Variants in SLC24A2 observed in about 807,000 individuals in gnomAD.
SLC24A2 encodes the protein sodium/potassium/calcium exchanger 2.
Under a neutral mutation model 62.0 loss-of-function variants are expected in SLC24A2, and 36 were observed. That is an observed-to-expected ratio of 0.58 (90% confidence interval 0.44 to 0.77). The LOEUF is 0.77. Ranked by LOEUF, SLC24A2 falls within the 30% of genes least tolerant of loss-of-function variation. SLC24A2 has a pLI of 0.00. For synonymous variants in SLC24A2, 358 were observed against 294.0 expected (o/e 1.22, Z -2.23); for missense variants, 846 against 817.9 (o/e 1.03, Z -0.42).
chr9:20,019,155 A>AAGAAAGAAAGAAAGAGAG, the SLC24A2 span, among the ~76,000 whole-genome samples: 55 of 117,174 alleles, frequency 4.7e-4, 3 homozygotes, highest in African/African-American at 1.0e-3. Context: ...GAAAGAAAGA[A>AAGAAAGAAAGAAAGAGAG]AGAGAGAGAG....
At chr9:20,032,027 G>A in the SLC24A2 span, among the ~76,000 whole-genome samples, 34 of 152,148 alleles carry the variant, frequency 2.2e-4, no homozygotes, top group Non-Finnish European at 4.0e-4. Flanking sequence ...TTTCAAGCTC[G>A]TGACTGCCCC....
chr9:19,553,055 A>G (rs568657296), intron 7 of SLC24A2, among the ~76,000 whole-genome samples: 8 of 152,294 alleles, frequency 5.3e-5, no homozygotes, highest in Admixed American at 2.0e-4. Context: ...GTCCTGCTAC[A>G]GGGAAGTACA....
the SLC24A2 span, among the ~76,000 whole-genome samples, chr9:20,155,847 A>C: frequency 6.6e-6 from 1 of 151,810 alleles, no homozygotes; most frequent in Non-Finnish European, 1.5e-5. Context: ...ATCCTGAATG[A>C]CTTCAAAGTA....
intron 2 of SLC24A2, among the ~76,000 whole-genome samples, chr9:19,735,129 T>A (rs993225801): frequency 6.6e-6 from 1 of 151,638 alleles, no homozygotes; most frequent in African/African-American, 2.4e-5. Context: ...TGGGCTGATA[T>A]CCAGAATCTA....
At chr9:20,057,896 A>T in the SLC24A2 span, among the ~76,000 whole-genome samples, 1 of 152,182 alleles carries the variant, frequency 6.6e-6, no homozygotes, top group Non-Finnish European at 1.5e-5. Flanking sequence ...ATGATATGAA[A>T]CTACATCATC....
chr9:19,582,854 A>G (rs900060398), intron 5 of SLC24A2, among the ~76,000 whole-genome samples: 1 of 152,014 alleles, frequency 6.6e-6, no homozygotes, highest in African/African-American at 2.4e-5. Context: ...TGGTGTCTCT[A>G]TTTTTAAAAT....
intron 2 of SLC24A2, among the ~76,000 whole-genome samples, chr9:19,719,253 G>C (rs1820953490): frequency 6.6e-6 from 1 of 152,018 alleles, no homozygotes; most frequent in Non-Finnish European, 1.5e-5. Context: ...ATTCCTCTGG[G>C]GACTTATTAC....
At chr9:19,574,352 G>A (rs1436687731) in intron 6 of SLC24A2, among the ~76,000 whole-genome samples, 1 of 152,180 alleles carries the variant, frequency 6.6e-6, no homozygotes, top group Non-Finnish European at 1.5e-5. Context: ...TGACACTTGA[G>A]AAGTGACTCT....
At chr9:20,220,866 G>A in the SLC24A2 span, among the ~76,000 whole-genome samples, 1 of 152,066 alleles carries the variant, frequency 6.6e-6, no homozygotes, top group Non-Finnish European at 1.5e-5. Context: ...CAAGTCTAAA[G>A]AACTTTCACC....
chr9:20,145,597 ATGTATG>A, the SLC24A2 span, among the ~76,000 whole-genome samples: 8 of 148,212 alleles, frequency 5.4e-5, no homozygotes, highest in East Asian at 2.1e-4. Context: ...ATTCCATCAC[ATGTATG>A]TGTGTGTGTG....
chr9:19,720,837 ATGTGTGTGTGTGTGTGTGTGTGTG>A (rs10692458), intron 2 of SLC24A2, among the ~76,000 whole-genome samples: 8 of 140,408 alleles, frequency 5.7e-5, no homozygotes, highest in Non-Finnish European at 1.1e-4. Context: ...ATGTGGAATG[ATGTGTGTGTGTGTGTGTGTGTGTG>A]TGTGTGTGTG....
At chr9:20,105,516 A>C in the SLC24A2 span, among the ~76,000 whole-genome samples, 6 of 151,992 alleles carry the variant, frequency 3.9e-5, no homozygotes, top group Non-Finnish European at 7.4e-5. Flanking sequence ...CCACAGTGCA[A>C]TCAAACTAGA....
the SLC24A2 span, among the ~76,000 whole-genome samples, chr9:20,195,707 C>A: frequency 6.6e-6 from 1 of 152,212 alleles, no homozygotes; most frequent in South Asian, 2.1e-4. Context: ...TCCTGATGAA[C>A]TGCTCCCTCA....
At chr9:19,611,683 A>C (rs1037650389) in intron 4 of SLC24A2, among the ~76,000 whole-genome samples, 56 of 152,172 alleles carry the variant, frequency 3.7e-4, no homozygotes, top group African/African-American at 1.3e-3. Flanking sequence ...CTGTGAAATA[A>C]ATTGGACTCA....
At chr9:20,088,411 A>G in the SLC24A2 span, among the ~76,000 whole-genome samples, 50 of 152,304 alleles carry the variant, frequency 3.3e-4, no homozygotes, top group African/African-American at 1.1e-3. Flanking sequence ...CCTCCGACAC[A>G]GTGCAGCAGC....
In SLC24A2 at chr9:19,520,961, G is replaced by A. The variant is rs760962385; in HGVS notation, c.1669C>T (p.Arg557Trp). The change falls in exon 10 of 11, where the codon CGG (arginine) becomes TGG (tryptophan). Residue 557 changes from arginine (R) to tryptophan (W), a missense_variant. Arg to Trp is a moderately radical substitution (Grantham distance 101). Transcript: ENST00000341998. ...PDLITSVIVARKGLGDMAVSS... is the reference protein window; with the variant it reads ...PDLITSVIVAWKGLGDMAVSS... Reference sequence around the variant, plus strand: ...ACAGCCATGTCCCCTAACCCCTTCCGGGCCACTATGACACTGGTGATAAGA... The same window carrying A: ...ACAGCCATGTCCCCTAACCCCTTCCAGGCCACTATGACACTGGTGATAAGA... The A allele has an allele frequency of 8.7e-6, 14 of 1,613,972 alleles. No individual in the cohort carries two copies. The highest frequency in any genetic ancestry group is 1.7e-5 in the Admixed American group (1 of 59,998).
At chr9:19,753,119 G>C (rs1414466032) in intron 2 of SLC24A2, among the ~76,000 whole-genome samples, 1 of 152,150 alleles carries the variant, frequency 6.6e-6, no homozygotes, top group Admixed American at 6.5e-5. Flanking sequence ...ACTCTAGCTG[G>C]ATGGGCCTTG....
intron 2 of SLC24A2, among the ~76,000 whole-genome samples, chr9:19,682,019 C>G (rs1391045673): frequency 6.6e-6 from 1 of 152,168 alleles, no homozygotes; most frequent in East Asian, 1.9e-4. Flanking sequence ...GTCCTTTCTT[C>G]TGTCCAAATT....
intron 2 of SLC24A2, among the ~76,000 whole-genome samples, chr9:19,627,706 A>G (rs1189439606): frequency 6.6e-6 from 1 of 151,988 alleles, no homozygotes; most frequent in Admixed American, 6.6e-5. Context: ...CGAAAAAAAA[A>G]TTCTTTTATA....
Sources: gnomAD v4.1 joint callset for allele counts (sites outside exome capture counted in the v4.1 genomes callset) on GRCh38, gnomAD v4.1.1 for gene constraint, MANE v1.5 for transcripts, NCBI Gene and HGNC (gene_info 2026-07-23, HGNC 2026-07-21) for gene names.